The following CEP164 variants were observed in gnomAD, a reference collection of about 807,000 sequenced individuals.
CEP164 encodes the protein centrosomal protein of 164 kDa.
A neutral mutation model predicts 182.7 loss-of-function variants in CEP164; 162 were observed. That is an observed-to-expected ratio of 0.89 (90% CI 0.78 to 1.01). CEP164 has a LOEUF of 1.01. Ranked by LOEUF, CEP164 falls within the 50% of genes least tolerant of loss-of-function variation. The pLI is 0.00. For synonymous variants in CEP164, 661 were observed against 690.0 expected (o/e 0.96, Z 0.66); for missense variants, 1,735 against 1,790.4 (o/e 0.97, Z 0.56).
upstream of CEP164, among the ~76,000 whole-genome samples, chr11:117,322,922 T>G (rs566520957): frequency 3.3e-5 from 5 of 152,136 alleles, no homozygotes; most frequent in South Asian, 1.0e-3. Context: ...CACGCCACCA[T>G]GCCCAGCTAA....
rs748540460 is a variant in CEP164 at position 117,393,165 on chromosome 11, G to GCA, written c.2616+48_2616+49dup. ...ATCCCCTGCGCGCATGCACACACAT[G>GCA]CACACACACATGCACGCACATGCAC... On this transcript the variant is annotated intron_variant, in intron 20 of 32. Transcript: ENST00000278935. 9 of 1,598,106 alleles carry GCA rather than the reference G, an allele frequency of 5.6e-6. No homozygotes were observed. In the South Asian group the frequency reaches 8.9e-5, roughly 16 times the overall value.
Position 117,412,473 on chromosome 11 carries a change from G to A in CEP164, c.*305G>A, listed in dbSNP as rs2047461086. ...TTTGGGAGGAAGGGAGGCGTTAGAG[G>A]AGCTGCCTTCGGAGGCTCAGGGAGT... On this transcript the variant is annotated 3_prime_UTR_variant, in exon 33 of 33. Transcript: ENST00000278935. The A allele has an allele frequency of 6.9e-6, 2 of 290,768 alleles. No homozygotes were observed. Among genetic ancestry groups the A allele is most frequent in the Non-Finnish European group, 1.3e-5 (2 of 152,086 alleles). The allele number at this position is 290,768 out of a possible 1,614,324, so 18.0% of individuals were successfully genotyped here.
rs573874484 is a variant in CEP164, at chr11:117,368,642, G to A, written c.766-2438G>A. On this transcript the variant is annotated intron_variant, in intron 8 of 32. Coordinates refer to ENST00000278935, the MANE Select transcript of CEP164 (RefSeq NM_014956.5). ...CCGAGTGAGGGGGTGTGGTTGGCCC[G>A]GCACCCTTTGCCCACCCCAGGCAAC... Among the ~76,000 whole-genome samples the A allele has an allele frequency of 7.9e-5, 12 of 152,226 alleles. No individual in the cohort carries two copies. The East Asian group carries it at 1.5e-3, about 20-fold the overall frequency.
chr11:117,372,792 T>C (rs756731501), intron 9 of CEP164, among the ~76,000 whole-genome samples: 2 of 152,134 alleles, frequency 1.3e-5, no homozygotes, highest in Admixed American at 6.5e-5. Flanking sequence ...AGAGAGAACA[T>C]TGTGTGTCGT....
upstream of CEP164, among the ~76,000 whole-genome samples, chr11:117,324,455 A>G (rs1323968820): frequency 6.6e-6 from 1 of 151,348 alleles, no homozygotes; most frequent in Non-Finnish European, 1.5e-5. Context: ...AAAAAAAAAA[A>G]AATTTGTGTG....
intron 3 of CEP164, among the ~76,000 whole-genome samples, chr11:117,340,746 ACTC>A (rs1489414564): frequency 6.6e-6 from 1 of 151,566 alleles, no homozygotes; most frequent in African/African-American, 2.4e-5. Flanking sequence ...CTAGTCTTGA[ACTC>A]CTGGGTTCAA....
In CEP164 at chr11:117,391,231, G is replaced by A. The variant is rs748522306; in HGVS notation, c.2283+16G>A. 1 of 1,593,898 alleles carries A rather than the reference G, an allele frequency of 6.3e-7. No individual in the cohort carries two copies. ...GAGGAAAGAAGTGAGCTAGTCAAGTGGGGACCTCACCCTCTGACCTGTGTC... is the reference window on the plus strand; with the variant it reads ...GAGGAAAGAAGTGAGCTAGTCAAGTAGGGACCTCACCCTCTGACCTGTGTC... On this transcript the variant is annotated intron_variant, in intron 17 of 32. Coordinates refer to ENST00000278935, the MANE Select transcript of CEP164 (RefSeq NM_014956.5).
chr11:117,380,329 TCTC>T (rs994823173), intron 11 of CEP164, among the ~76,000 whole-genome samples: 2 of 152,082 alleles, frequency 1.3e-5, no homozygotes, highest in African/African-American at 4.8e-5. Context: ...TCTTGTGTGT[TCTC>T]CTTCAGCCTC....
chr11:117,337,228 G>T (rs970039453), intron 2 of CEP164, among the ~76,000 whole-genome samples: 1 of 152,070 alleles, frequency 6.6e-6, no homozygotes, highest in Non-Finnish European at 1.5e-5. Flanking sequence ...CTGCCTTCTT[G>T]CTGTGTCCTC....
chr11:117,359,265 C>T (rs2040661642), intron 5 of CEP164, among the ~76,000 whole-genome samples: 1 of 152,196 alleles, frequency 6.6e-6, no homozygotes, highest in African/African-American at 2.4e-5. Context: ...CTTGACCTCA[C>T]CAACCTCCGT....
intron 1 of CEP164, among the ~76,000 whole-genome samples, chr11:117,332,891 T>C (rs1375070437): frequency 6.6e-6 from 1 of 152,218 alleles, no homozygotes; most frequent in East Asian, 1.9e-4. Flanking sequence ...ATGTTGAGGG[T>C]TCTGAGGCCA....
rs377437628 is a variant in CEP164, at chr11:117,392,268, C to T, written c.2326C>T (p.Arg776Trp). ...LEKEHSAELE[R>W]LCSSLEAKHR... ...GAAGGAGCACAGTGCTGAGCTGGAG[C>T]GGCTCTGCTCCTCATTGGAGGCCAA... The change falls in exon 18 of 33, where the codon CGG becomes TGG. Residue 776 changes from arginine (R) to tryptophan (W), a missense_variant. By Grantham distance (101) the Arg-to-Trp change is moderately radical (BLOSUM62 -3). Coordinates refer to ENST00000278935, the MANE Select transcript of CEP164 (RefSeq NM_014956.5). The T allele has an allele frequency of 2.1e-5, 34 of 1,611,534 alleles. No individual in the cohort carries two copies. Among genetic ancestry groups the T allele is most frequent in the Non-Finnish European group, 2.5e-5 (29 of 1,179,574 alleles).
chr11:117,339,970 A>G (rs2037849087), intron 3 of CEP164, among the ~76,000 whole-genome samples: 1 of 152,104 alleles, frequency 6.6e-6, no homozygotes, highest in Admixed American at 6.6e-5. Flanking sequence ...GTGTTGCTAG[A>G]ATCCACCTCC....
At chr11:117,405,610 G>A (rs1442514600) in intron 27 of CEP164, among the ~76,000 whole-genome samples, 3 of 152,184 alleles carry the variant, frequency 2.0e-5, no homozygotes, top group Non-Finnish European at 1.5e-5. Context: ...CATCTTGCCA[G>A]CCACTCCAGG....
chr11:117,412,148 G>A lies in CEP164; in HGVS notation c.4363G>A (p.Val1455Met). 1 of 1,614,164 alleles carries A rather than the reference G, an allele frequency of 6.2e-7. No homozygotes were observed. Among genetic ancestry groups the A allele is most frequent in the Non-Finnish European group, 8.5e-7 (1 of 1,180,016 alleles). Residue 1455 changes from valine (V) to methionine (M), a missense_variant, in exon 33 of 33, where the codon GTG (valine) becomes ATG (methionine). By Grantham distance (21) the Val-to-Met change is conservative. Coordinates refer to ENST00000278935, the MANE Select transcript of CEP164 (RefSeq NM_014956.5). ...GCTGGGCCTTGATGAGCACAACAGA[G>A]TGAAGGTGTATCGCTTCTGAGGCCC... ...LQLGLDEHNR[V>M]KVYRF
intron 4 of CEP164, among the ~76,000 whole-genome samples, chr11:117,348,393 C>G (rs2039224738): frequency 6.6e-6 from 1 of 152,144 alleles, no homozygotes; most frequent in Non-Finnish European, 1.5e-5. Flanking sequence ...AATTGGCCAT[C>G]TGTTGATCTT....
intron 5 of CEP164, among the ~76,000 whole-genome samples, chr11:117,358,681 C>T (rs933605730): frequency 2.6e-5 from 4 of 151,876 alleles, no homozygotes; most frequent in Non-Finnish European, 2.9e-5. Flanking sequence ...CAGATGTGTA[C>T]CACTATACCC....
intron 11 of CEP164, among the ~76,000 whole-genome samples, 186 bp from the exon 12 acceptor site, chr11:117,380,428 C>T (rs2043194860): frequency 6.6e-6 from 1 of 152,168 alleles, no homozygotes; most frequent in Non-Finnish European, 1.5e-5. Flanking sequence ...CAGCTGTGAA[C>T]CTAGCCAAAG....
intron 1 of CEP164, among the ~76,000 whole-genome samples, chr11:117,333,132 C>G (rs1044769208): frequency 6.6e-6 from 1 of 151,994 alleles, no homozygotes; most frequent in Non-Finnish European, 1.5e-5. Flanking sequence ...CCCACCTGAG[C>G]CCCCCAAGTA....
Sources: allele counts gnomAD v4.1 joint callset (sites outside exome capture counted in the v4.1 genomes callset), GRCh38; gene constraint gnomAD v4.1.1; transcripts MANE v1.5; gene names NCBI Gene and HGNC (gene_info 2026-07-23, HGNC 2026-07-21).